The following STAB2 variants were observed in gnomAD, a reference collection of about 807,000 sequenced individuals.
The protein encoded by STAB2 is stabilin 2.
In STAB2, 288 loss-of-function variants were observed where a neutral mutation model predicts 338.1. The observed-to-expected ratio is 0.85, with a 90% CI of 0.77 to 0.94. The LOEUF (loss-of-function observed/expected upper bound fraction) is 0.94, where lower values mean the gene tolerates loss of function less well. STAB2 is among the 40% of genes least tolerant of loss of function. The pLI is 0.00. For missense variants in STAB2, 3,141 were observed against 3,210.1 expected (o/e 0.98, Z 0.52); for synonymous variants, 1,202 against 1,193.3 (o/e 1.01, Z -0.15).
intron 3 of STAB2, among the ~76,000 whole-genome samples, chr12:103,606,845 G>A (rs557270457): frequency 2.8e-4 from 43 of 152,198 alleles, no homozygotes; most frequent in Admixed American, 1.7e-3. Flanking sequence ...TTGGCTGGGC[G>A]TGGTGGCACA....
chr12:103,701,821 G>A lies in STAB2; in HGVS notation c.3715-1327G>A, dbSNP rs185802948. On this transcript the variant is annotated intron_variant, in intron 34 of 68. Transcript: ENST00000388887. ...ATTTGACTGCAAGTAAATCATAAGG[G>A]ACTTTAACATTCAGTGGAAGTTTGA... Among the ~76,000 whole-genome samples the A allele has an allele frequency of 8.6e-4, 130 of 151,552 alleles. 1 individual carries two copies. The highest frequency in any genetic ancestry group is 3.0e-3 in the African/African-American group (125 of 41,362).
rs1279432155 is a variant in STAB2, at chr12:103,638,179, G to T, written c.873G>T (p.Lys291Asn). ...CQINFGNCPT[K>N]STVCKYDGPG... is the part of the protein sequence containing the mutation. Reference sequence around the variant, plus strand: ...TTAACTTTGGAAACTGCCCTACAAAGTCTACAGTGTGCAAATATGATGGGC... The same window carrying T: ...TTAACTTTGGAAACTGCCCTACAAATTCTACAGTGTGCAAATATGATGGGC... The change falls in exon 8 of 69, where the codon AAG (lysine) becomes AAT (asparagine). Residue 291 changes from lysine (K) to asparagine (N), a missense_variant. By Grantham distance (94) the Lys-to-Asn change is moderately conservative. Transcript: ENST00000388887. 1.9e-6 allele frequency: 3 copies of T among 1,614,060 alleles called. No homozygotes were observed. The African/African-American group carries it at 4.0e-5, about 22-fold the overall frequency.
intron 58 of STAB2, among the ~76,000 whole-genome samples, chr12:103,748,584 C>CA (rs1883268041): frequency 7.0e-6 from 1 of 141,854 alleles, no homozygotes; most frequent in Non-Finnish European, 1.5e-5. Flanking sequence ...TAACTCTACA[C>CA]CACACACACA....
intron 19 of STAB2, among the ~76,000 whole-genome samples, chr12:103,666,766 G>T (rs559810505): frequency 6.6e-6 from 1 of 152,286 alleles, no homozygotes; most frequent in South Asian, 2.1e-4. Context: ...CCTAATATTT[G>T]TTCTTCCCAA....
chr12:103,725,925 GT>G (rs1881163455), intron 45 of STAB2, among the ~76,000 whole-genome samples, 190 bp from the exon 46 acceptor site: 1 of 152,116 alleles, frequency 6.6e-6, no homozygotes, highest in South Asian at 2.1e-4. Flanking sequence ...TTCCAGAAAG[GT>G]TATAGAATTC....
intron 6 of STAB2, among the ~76,000 whole-genome samples, chr12:103,636,562 T>C (rs1008681875): frequency 2.0e-5 from 3 of 152,056 alleles, no homozygotes; most frequent in African/African-American, 7.2e-5. Flanking sequence ...CCCATGGGAA[T>C]TGAGGTTTGG....
At chr12:103,734,473 T>A (rs543802898) in intron 51 of STAB2, among the ~76,000 whole-genome samples, 1 of 152,038 alleles carries the variant, frequency 6.6e-6, no homozygotes, top group East Asian at 1.9e-4. Flanking sequence ...GCAAGCATGA[T>A]CATATAGGAG....
At chr12:103,704,780 AT>A (rs1392100734) in intron 36 of STAB2, 166 bp downstream of exon 36, 52 of 654,014 alleles carry the variant, frequency 8.0e-5, no homozygotes, top group East Asian at 1.2e-4. Context: ...TCTTACATCT[AT>A]TTTTTTGGAC....
chr12:103,673,492 G>C (rs1319692763), intron 22 of STAB2, among the ~76,000 whole-genome samples: 1 of 151,984 alleles, frequency 6.6e-6, no homozygotes, highest in African/African-American at 2.4e-5. Context: ...GGGACCACAA[G>C]CACACACCAT....
At chr12:103,751,965 C>G (rs1883697349) in intron 60 of STAB2, among the ~76,000 whole-genome samples, 1 of 152,150 alleles carries the variant, frequency 6.6e-6, no homozygotes, top group Non-Finnish European at 1.5e-5. Flanking sequence ...ATCCCACATT[C>G]AGGAGGAAGC....
At chr12:103,608,701 T>C (rs1023619969) in intron 3 of STAB2, among the ~76,000 whole-genome samples, 1 of 152,228 alleles carries the variant, frequency 6.6e-6, no homozygotes, top group African/African-American at 2.4e-5. Context: ...TTAGATCCCA[T>C]TTGTCAATTT....
chr12:103,705,231 T>C (rs1382713780), intron 36 of STAB2, among the ~76,000 whole-genome samples: 1 of 152,226 alleles, frequency 6.6e-6, no homozygotes, highest in East Asian at 1.9e-4. Flanking sequence ...TCTTGTATAT[T>C]ATAATCTTTG....
At chr12:103,625,616 T>A (rs945884086) in intron 5 of STAB2, among the ~76,000 whole-genome samples, 2 of 152,152 alleles carry the variant, frequency 1.3e-5, no homozygotes, top group Non-Finnish European at 1.5e-5. Context: ...GGTGTTTGGT[T>A]TTTTGTCCCT....
At chr12:103,658,216 C>T (rs929499039) in intron 15 of STAB2, among the ~76,000 whole-genome samples, 4 of 152,320 alleles carry the variant, frequency 2.6e-5, no homozygotes, top group African/African-American at 9.6e-5. Context: ...GCCTCTGGCA[C>T]CAAAGAACTT....
In STAB2 at chr12:103,617,806, A is replaced by G. The variant is rs1957233928; in HGVS notation, c.332-2662A>G. Among the ~76,000 whole-genome samples, 4 of 152,300 alleles carry G rather than the reference A, an allele frequency of 2.6e-5. 1 individual carries two copies. The South Asian group carries it at 8.3e-4, about 32-fold the overall frequency. ...TACCTGCCTGATAATGGTGGATGTTAGTGATAAATGGTGCAGTAGATTCTG... is the reference window on the plus strand; with the variant it reads ...TACCTGCCTGATAATGGTGGATGTTGGTGATAAATGGTGCAGTAGATTCTG... On this transcript the variant is annotated intron_variant, in intron 3 of 68. Transcript: ENST00000388887.
At chr12:103,593,496 G>T (rs1484023975) in intron 2 of STAB2, among the ~76,000 whole-genome samples, 4 of 152,164 alleles carry the variant, frequency 2.6e-5, no homozygotes, top group South Asian at 2.1e-4. Context: ...AGGGATATTT[G>T]GTCCTGCCCT....
chr12:103,745,888 C>T (rs1882992668), intron 57 of STAB2, among the ~76,000 whole-genome samples: 1 of 152,210 alleles, frequency 6.6e-6, no homozygotes, highest in Non-Finnish European at 1.5e-5. Context: ...TCGATCCTTA[C>T]TAGGTGGTCA....
intron 15 of STAB2, chr12:103,657,464 T>A (rs1050736380): frequency 3.3e-5 from 5 of 152,186 alleles, no homozygotes; most frequent in African/African-American, 1.2e-4. Context: ...TTCTTCTCTT[T>A]CTCCTCCCTT....
At chr12:103,662,736 A>G in intron 17 of STAB2, 110 bp from the exon 18 acceptor site, 2 of 1,282,972 alleles carry the variant, frequency 1.6e-6, no homozygotes, top group Non-Finnish European at 2.2e-6. Context: ...AAGTTAAGTG[A>G]TGTTGAGGAC....
Sources: allele counts gnomAD v4.1 joint callset (sites outside exome capture counted in the v4.1 genomes callset), GRCh38; gene constraint gnomAD v4.1.1; transcripts MANE v1.5; gene names NCBI Gene and HGNC (gene_info 2026-07-23, HGNC 2026-07-21).